The following KIAA2012 variants were observed in gnomAD, a reference collection of about 807,000 sequenced individuals.
KIAA2012 encodes the protein KIAA2012, also known as uncharacterized protein KIAA2012.
KIAA2012 carries 125 observed loss-of-function variants against 150.6 expected under a neutral mutation model. That is an observed-to-expected ratio of 0.83 (90% confidence interval 0.72 to 0.96). KIAA2012 has a LOEUF of 0.96. Among genes scored for constraint, KIAA2012 ranks in the 40% least tolerant of loss-of-function variants. The pLI is 0.00. For missense variants in KIAA2012, 1,219 were observed against 1,354.9 expected (o/e 0.90, Z 1.57); for synonymous variants, 462 against 504.7 (o/e 0.92, Z 1.13).
intron 15 of KIAA2012, among the ~76,000 whole-genome samples, chr2:202,170,549 A>T (rs558164268): frequency 6.6e-6 from 1 of 152,220 alleles, no homozygotes; most frequent in Admixed American, 6.5e-5. Flanking sequence ...TCATGGTTGG[A>T]TAAAACACAC....
At chr2:202,192,748 C>T (rs986088079) in intron 19 of KIAA2012, among the ~76,000 whole-genome samples, 2 of 152,096 alleles carry the variant, frequency 1.3e-5, no homozygotes, top group African/African-American at 4.8e-5. Context: ...TGAGCCATGC[C>T]CGGCCCCTTG....
rs1187071863 is a variant in KIAA2012, at chr2:202,132,728, A to ATAGTATATAT, written c.1832-5704_1832-5703insTAGTATATAT. ...TATATGTATATATGTATATATATAT[A>ATAGTATATAT]GTATATATGTATATATATAGTATAT... On this transcript the variant is annotated intron_variant, in intron 12 of 23. Transcript: ENST00000498697. 3.0e-4 allele frequency among the ~76,000 whole-genome samples: 18 copies of ATAGTATATAT among 60,562 alleles called. 1 individual carries two copies. The highest frequency in any genetic ancestry group is 2.0e-3 in the East Asian group (6 of 2,948). The allele number at this position is 60,562 out of a possible 152,430, so 39.7% of individuals were successfully genotyped here.
intron 13 of KIAA2012, among the ~76,000 whole-genome samples, chr2:202,140,004 C>T (rs964249093): frequency 3.3e-5 from 5 of 152,092 alleles, no homozygotes; most frequent in Admixed American, 6.5e-5. Context: ...CCAAGGTGGG[C>T]GGATCACGAG....
At chr2:202,098,415 G>A (rs780360577) in intron 5 of KIAA2012, among the ~76,000 whole-genome samples, 7 of 152,142 alleles carry the variant, frequency 4.6e-5, no homozygotes, top group Admixed American at 6.5e-5. Context: ...AGTGCTGCAC[G>A]CCTTCTCCTC....
chr2:202,142,583 G>T (rs956489713), intron 13 of KIAA2012, among the ~76,000 whole-genome samples: 5 of 152,202 alleles, frequency 3.3e-5, no homozygotes, highest in African/African-American at 9.7e-5. Context: ...TGCAAAGGCA[G>T]TCTGGTTCAC....
intron 14 of KIAA2012, among the ~76,000 whole-genome samples, chr2:202,162,960 C>CTT (rs1559225118): frequency 6.7e-6 from 1 of 150,178 alleles, no homozygotes; most frequent in African/African-American, 2.4e-5. Context: ...GATGCTTGTG[C>CTT]TTTTTAATGG....
chr2:202,194,473 C>T (rs914832824), intron 21 of KIAA2012, 111 bp downstream of exon 21: 2 of 1,024,954 alleles, frequency 2.0e-6, no homozygotes, highest in Admixed American at 3.5e-5. Context: ...GTGTTAAGCA[C>T]TCTAAATAAT....
chr2:202,194,428 G>C, intron 21 of KIAA2012, 66 bp downstream of exon 21: 1 of 1,510,976 alleles, frequency 6.6e-7, no homozygotes. Flanking sequence ...TTATCCAGCT[G>C]TGAGTGTTCA....
At chr2:202,087,219 A>G (rs899828095) in intron 2 of KIAA2012, among the ~76,000 whole-genome samples, 26 of 152,124 alleles carry the variant, frequency 1.7e-4, no homozygotes, top group Admixed American at 1.6e-3. Context: ...CCCTTTATAA[A>G]AAACCTTCCA....
intron 10 of KIAA2012, among the ~76,000 whole-genome samples, chr2:202,111,340 C>A (rs932746912): frequency 0.011 from 886 of 82,872 alleles, no homozygotes; most frequent in African/African-American, 0.013. Context: ...ACTAAAAATA[C>A]AAAAAAAAAA....
chr2:202,172,631 C>T (rs1174159349), intron 15 of KIAA2012, among the ~76,000 whole-genome samples: 1 of 152,184 alleles, frequency 6.6e-6, no homozygotes, highest in Non-Finnish European at 1.5e-5. Context: ...GAAGACTTTT[C>T]CTTGGGCAGT....
chr2:202,103,376 A>G (rs1159909494), intron 8 of KIAA2012, among the ~76,000 whole-genome samples: 1 of 152,232 alleles, frequency 6.6e-6, no homozygotes, highest in Non-Finnish European at 1.5e-5. Flanking sequence ...AGGTATTTAC[A>G]TAAGTAAGTC....
intron 15 of KIAA2012, among the ~76,000 whole-genome samples, chr2:202,177,035 C>G (rs1250702269): frequency 6.6e-6 from 1 of 151,976 alleles, no homozygotes. Context: ...TGGAAATAAT[C>G]AAAATGGCCA....
At chr2:202,151,711 A>C (rs1691431477) in intron 13 of KIAA2012, among the ~76,000 whole-genome samples, 1 of 152,154 alleles carries the variant, frequency 6.6e-6, no homozygotes, top group African/African-American at 2.4e-5. Flanking sequence ...ATAAATGAAA[A>C]ACCAACCAAG....
chr2:202,092,507 C>A (rs1435409069), intron 3 of KIAA2012, among the ~76,000 whole-genome samples: 2 of 152,202 alleles, frequency 1.3e-5, no homozygotes, highest in Admixed American at 6.5e-5. Flanking sequence ...CCATACAGAA[C>A]ACAAGAGAGC....
At chr2:202,073,817 G>A (rs1327325800) in intron 1 of KIAA2012, 106 bp downstream of exon 1, 2 of 924,844 alleles carry the variant, frequency 2.2e-6, no homozygotes, top group East Asian at 5.4e-5. Flanking sequence ...TGTTGTTAGT[G>A]AGGTGGCGGG....
In KIAA2012 at chr2:202,154,752, C is replaced by T; in HGVS notation, c.1988C>T (p.Ser663Leu). Residue 663 changes from serine to leucine, a missense_variant, in exon 14 of 24, where the codon TCA becomes TTA. Ser to Leu is a moderately radical substitution (Grantham distance 145). Transcript: ENST00000498697. Reference sequence around the variant, plus strand: ...TGTATAAATAAAGCGCTGATATGTTCAAACAGAAAAGAATTTTACACGCGC... The same window carrying T: ...TGTATAAATAAAGCGCTGATATGTTTAAACAGAAAAGAATTTTACACGCGC... ...QSCINKALIC[S>L]NRKEFYTRKL... 6.5e-7 allele frequency: 1 copy of T among 1,550,220 alleles called. No homozygotes were observed. Among genetic ancestry groups the T allele is most frequent in the Non-Finnish European group, 8.7e-7 (1 of 1,146,930 alleles).
chr2:202,132,637 G>A (rs1207122743), intron 12 of KIAA2012, among the ~76,000 whole-genome samples: 2 of 149,846 alleles, frequency 1.3e-5, no homozygotes, highest in Admixed American at 6.7e-5. Context: ...TTGTGCCACT[G>A]CACTCCAGGC....
At chr2:202,138,914 G>A (rs532166500) in intron 13 of KIAA2012, among the ~76,000 whole-genome samples, 1 of 152,252 alleles carries the variant, frequency 6.6e-6, no homozygotes, top group Non-Finnish European at 1.5e-5. Context: ...AAGAAAGGAG[G>A]ATGGTGCTTC....
Sources: gnomAD v4.1 joint callset for allele counts (sites outside exome capture counted in the v4.1 genomes callset) on GRCh38, gnomAD v4.1.1 for gene constraint, MANE v1.5 for transcripts, NCBI Gene and HGNC (gene_info 2026-07-23, HGNC 2026-07-21) for gene names.